The following CATIP variants were observed in gnomAD, a reference collection of about 807,000 sequenced individuals.
CATIP encodes ciliogenesis associated TTC17 interacting protein.
In CATIP, 40 loss-of-function variants were observed where a neutral mutation model predicts 42.5. The ratio of observed to expected loss-of-function variants is 0.94; its 90% CI spans 0.73 to 1.22. The LOEUF is 1.22. Ranked by LOEUF, CATIP falls within the 50% of genes most tolerant of loss-of-function variation. CATIP has a pLI of 0.00. For synonymous variants in CATIP, 222 were observed against 200.2 expected (o/e 1.11, Z -0.92); for missense variants, 489 against 496.0 (o/e 0.99, Z 0.13).
At chr2:218,362,604 C>T in intron 5 of CATIP, 131 bp from the exon 6 acceptor site, 1 of 819,154 alleles carries the variant, frequency 1.2e-6, no homozygotes, top group Non-Finnish European at 1.9e-6. Context: ...TGCACTCCAG[C>T]CTGGGTGACA....
rs763408598 is a variant in CATIP, at chr2:218,362,831, C to T, written c.559C>T (p.Arg187Trp). The T allele has an allele frequency of 2.0e-5, 32 of 1,613,904 alleles. No individual in the cohort carries two copies. The highest frequency in any genetic ancestry group is 2.7e-5 in the African/African-American group (2 of 74,916). ...GGTGCTGCTCAGGGTGATGGCCTGG[C>T]GGCGGATGGTGCCCAGCAATGCCCG... ...NLVLLRVMAWRRMVPSNARFL... is the reference protein window; with the variant it reads ...NLVLLRVMAWWRMVPSNARFL... The change falls in exon 6 of 10, where the codon CGG (arginine) becomes TGG (tryptophan). Residue 187 changes from arginine to tryptophan, a missense_variant. Arg to Trp is a moderately radical substitution (Grantham distance 101). Transcript: ENST00000289388.
At chr2:218,362,643 C>A in intron 5 of CATIP, 92 bp from the exon 6 acceptor site, 1 of 1,300,948 alleles carries the variant, frequency 7.7e-7, no homozygotes, top group Non-Finnish European at 1.1e-6. Context: ...CAAAAAAAAA[C>A]AAAACCGTAT....
intron 5 of CATIP, among the ~76,000 whole-genome samples, chr2:218,360,988 G>A (rs1187395437): frequency 2.6e-5 from 4 of 151,746 alleles, no homozygotes; most frequent in African/African-American, 4.8e-5. Flanking sequence ...GCACCACCAC[G>A]CCCGGCTAAT....
At chr2:218,361,724 G>A (rs1004631634) in intron 5 of CATIP, among the ~76,000 whole-genome samples, 1 of 152,156 alleles carries the variant, frequency 6.6e-6, no homozygotes, top group Non-Finnish European at 1.5e-5. Context: ...CCTTGTTTAG[G>A]AATAAAATGG....
chr2:218,360,457 T>C, intron 4 of CATIP, 116 bp from the exon 5 acceptor site: 3 of 694,878 alleles, frequency 4.3e-6, no homozygotes, highest in East Asian at 3.0e-5. Flanking sequence ...GCCCGGCTGC[T>C]TTTTTTTTAA....
chr2:218,365,116 ATCAT>A, intron 7 of CATIP, among the ~76,000 whole-genome samples: 4 of 152,230 alleles, frequency 2.6e-5, no homozygotes, highest in Admixed American at 1.3e-4. Context: ...CTGGCTCCAA[ATCAT>A]AAGAAAATTC....
At chr2:218,367,582 TC>T (rs1351610812) in intron 9 of CATIP, 64 bp downstream of exon 9, 6 of 1,602,768 alleles carry the variant, frequency 3.7e-6, no homozygotes, top group Non-Finnish European at 5.1e-6. Context: ...TCATTACTGA[TC>T]TCTGCACCTG....
In CATIP at chr2:218,367,025, C is replaced by G. The variant is rs1210218372; in HGVS notation, c.757C>G (p.His253Asp). The G allele has an allele frequency of 2.0e-5, 32 of 1,613,016 alleles. No homozygotes were observed. Among genetic ancestry groups the G allele is most frequent in the Non-Finnish European group, 2.7e-5 (32 of 1,179,154 alleles). The change falls in exon 8 of 10, where the codon CAC becomes GAC. Residue 253 changes from histidine to aspartate, a missense_variant and splice_region_variant. Coordinates refer to ENST00000289388, the MANE Select transcript of CATIP (RefSeq NM_198559.2). ...SCQYYLLSDG[H>D]LAKRIQVGSP... ...CTCACATGTTGTGTTGCACTCCAGG[C>G]ACCTGGCCAAGAGAATACAGGTGGG...
In CATIP at chr2:218,357,118, C is replaced by G. The variant is rs1162566137; in HGVS notation, c.49C>G (p.Pro17Ala). ...AGGCTCCAGAGCTAAGGACCACCAG[C>G]CCTCGGGTCCGGAGTGTCTGCCACT... is the stretch of plus-strand genomic sequence containing the variant. ...STGSRAKDHQPSGPECLPLPE... is the reference protein window; with the variant it reads ...STGSRAKDHQASGPECLPLPE... Residue 17 changes from proline (P) to alanine (A), a missense_variant, in exon 2 of 10, where the codon CCC becomes GCC. By Grantham distance (27) the Pro-to-Ala change is conservative (BLOSUM62 -1). Coordinates refer to ENST00000289388, the MANE Select transcript of CATIP (RefSeq NM_198559.2). The G allele has an allele frequency of 6.2e-7, 1 of 1,613,862 alleles. No homozygotes were observed. The highest frequency in any genetic ancestry group is 1.1e-5 in the South Asian group (1 of 91,032).
chr2:218,364,994 T>G (rs898329214), intron 7 of CATIP, among the ~76,000 whole-genome samples: 19 of 152,122 alleles, frequency 1.2e-4, no homozygotes, highest in Admixed American at 1.1e-3. Flanking sequence ...GCCACCACTG[T>G]GTAAGGGATA....
intron 6 of CATIP, 131 bp downstream of exon 6, chr2:218,363,033 T>C (rs6723716): frequency 0.52 from 441,639 of 853,318 alleles, 118,211 homozygotes; most frequent in East Asian, 0.68. Context: ...CAGGTGGGAA[T>C]GGGGCTTTCA....
intron 7 of CATIP, chr2:218,365,668 C>T (rs1424219008): frequency 1.3e-5 from 2 of 152,254 alleles, no homozygotes; most frequent in Non-Finnish European, 2.9e-5. Flanking sequence ...TCAAGCAATC[C>T]ACCTGCTTCA....
rs146805955 is a variant in CATIP, at chr2:218,367,093, G to A, written c.825G>A (p.Arg275=). 1.9e-6 allele frequency: 3 copies of A among 1,612,658 alleles called. No individual in the cohort carries two copies. The highest frequency in any genetic ancestry group is 2.5e-6 in the Non-Finnish European group (3 of 1,178,756). The change falls in exon 8 of 10, where the codon AGG becomes AGA. Residue 275 remains arginine (R), a synonymous_variant. Coordinates refer to ENST00000289388, the MANE Select transcript of CATIP (RefSeq NM_198559.2). ...CCIITKMPIL[R]EEDEIEPRPV... ...TCATCACCAAGATGCCCATCTTGAG[G>A]GAAGAGGGTGAGTGAAGCCCAGGCC...
chr2:218,364,663 T>TC lies in CATIP; in HGVS notation c.667dup (p.Gln223ProfsTer4). The TC allele has an allele frequency of 6.2e-7, 1 of 1,614,062 alleles. No homozygotes were observed. Among genetic ancestry groups the TC allele is most frequent in the Non-Finnish European group, 8.5e-7 (1 of 1,179,952 alleles). On this transcript the variant is annotated frameshift_variant, in exon 7 of 10. Transcript: ENST00000289388. LOFTEE classifies it high-confidence loss of function. ...GCTTCCAGACCATCCAGGTAGACCA[T>TC]CAGCAGGCTGAAGTCTTCATCGTGG...
chr2:218,357,330 G>C, intron 2 of CATIP, 143 bp downstream of exon 2: 2 of 707,208 alleles, frequency 2.8e-6, no homozygotes, highest in Non-Finnish European at 4.6e-6. Flanking sequence ...CCTGAGGCCT[G>C]TTTGTTGACA....
intron 4 of CATIP, among the ~76,000 whole-genome samples, chr2:218,360,276 C>G (rs1224250372): frequency 6.6e-6 from 1 of 152,158 alleles, no homozygotes; most frequent in Admixed American, 6.6e-5. Context: ...CTCAGCCTCC[C>G]AAGTAGCTGA....
At chr2:218,367,557 C>G (rs1695498209) in intron 9 of CATIP, 39 bp downstream of exon 9, 1 of 1,607,922 alleles carries the variant, frequency 6.2e-7, no homozygotes, top group Non-Finnish European at 8.5e-7. Flanking sequence ...TCCCATTCCC[C>G]CATGGGCCTT....
In CATIP at chr2:218,364,714, C is replaced by A; in HGVS notation, c.717C>A (p.Gly239=). Residue 239 remains glycine, a synonymous_variant, in exon 7 of 10, where the codon GGC becomes GGA. Transcript: ENST00000289388. ...AGCAGACTGTCCACGCGGAGGAGGG[C>A]ATCCCCATGTCCTGCCAGTACTACC... ...IVEQTVHAEE[G]IPMSCQYYLL... The A allele has an allele frequency of 6.2e-7, 1 of 1,613,888 alleles. No homozygotes were observed. Among genetic ancestry groups the A allele is most frequent in the South Asian group, 1.1e-5 (1 of 91,036 alleles).
chr2:218,360,757 T>G (rs1453833601), intron 5 of CATIP, 98 bp downstream of exon 5: 14 of 918,230 alleles, frequency 1.5e-5, no homozygotes, highest in Non-Finnish European at 2.4e-5. Context: ...TTTGCCAAGG[T>G]TAAGGACGCG....
Sources: gnomAD v4.1 joint callset for allele counts (sites outside exome capture counted in the v4.1 genomes callset) on GRCh38, gnomAD v4.1.1 for gene constraint, MANE v1.5 for transcripts, NCBI Gene and HGNC (gene_info 2026-07-23, HGNC 2026-07-21) for gene names.